The following GALR1 variants were observed in gnomAD, a reference collection of about 807,000 sequenced individuals.
The protein encoded by GALR1 is galanin receptor type 1.
Under a neutral mutation model 17.9 loss-of-function variants are expected in GALR1, and 11 were observed. The ratio of observed to expected loss-of-function variants is 0.62; its 90% CI spans 0.39 to 1.02. The LOEUF is 1.02. Among genes scored for constraint, GALR1 ranks in the 50% least tolerant of loss-of-function variants. The pLI is 0.01. For synonymous variants in GALR1, 206 were observed against 205.7 expected, an observed-to-expected ratio of 1.00 and a Z score of -0.01; for missense variants, 441 against 456.9, an observed-to-expected ratio of 0.97 and a Z score of 0.32.
rs898862869 is a variant in GALR1 at position 77,269,673 on chromosome 18, GA to G, written c.*772del. On this transcript the variant is annotated 3_prime_UTR_variant, in exon 3 of 3. Transcript: ENST00000299727. ...CAGTGGAAGATGCAAATAAGTTTTTGAGAATAAAACTGGATTTTGAAATTTT... is the reference window on the plus strand; with the variant it reads ...CAGTGGAAGATGCAAATAAGTTTTTGGAATAAAACTGGATTTTGAAATTTT... 1.3e-5 allele frequency: 2 copies of G among 152,200 alleles called. No homozygotes were observed. The highest frequency in any genetic ancestry group is 4.8e-5 in the African/African-American group (2 of 41,460). The allele number at this position is 152,200 out of a possible 1,614,324, so 9.4% of individuals were successfully genotyped here. A position where few individuals can be genotyped will look rare whatever the true frequency, so the allele number is the denominator to read the frequency against.
At chr18:77,258,812 A>ATG in intron 2 of GALR1, among the ~76,000 whole-genome samples, 1 of 79,934 alleles carries the variant, frequency 1.3e-5, no homozygotes, top group Non-Finnish European at 2.5e-5. Context: ...GGTGGTGGTC[A>ATG]TAGTGGTGGT....
chr18:77,267,725 A>G (rs950187936), intron 2 of GALR1, among the ~76,000 whole-genome samples: 1 of 152,248 alleles, frequency 6.6e-6, no homozygotes, highest in Non-Finnish European at 1.5e-5. Context: ...TTTTCAATTA[A>G]TCACAAACTA....
At chr18:77,258,832 GAT>G (rs1568141526) in intron 2 of GALR1, among the ~76,000 whole-genome samples, 4 of 77,672 alleles carry the variant, frequency 5.1e-5, no homozygotes, top group African/African-American at 2.1e-4. Flanking sequence ...TGGTGCTGGT[GAT>G]GGTGGTGATG....
intron 2 of GALR1, among the ~76,000 whole-genome samples, chr18:77,257,553 T>G (rs555989290): frequency 8.5e-5 from 13 of 152,362 alleles, no homozygotes; most frequent in African/African-American, 2.9e-4. Context: ...GATGTGCTGT[T>G]ATGGTAGAGA....
rs146713751 is a variant in GALR1, at chr18:77,257,782, T to C, written c.732+1559T>C. On this transcript the variant is annotated intron_variant, in intron 2 of 2. Coordinates refer to ENST00000299727, the MANE Select transcript of GALR1 (RefSeq NM_001480.4). ...AACATTGTAATGGAAGAGATCAATG[T>C]GTGAGTCCCAGAGGCCTGTTCAAGG... 5.4e-3 allele frequency among the ~76,000 whole-genome samples: 824 copies of C among 152,302 alleles called. 9 individuals are homozygous for C. Among genetic ancestry groups the C allele is most frequent in the African/African-American group, 0.018 (759 of 41,572 alleles).
intron 1 of GALR1, 139 bp downstream of exon 1, chr18:77,251,353 T>A (rs1345544884): frequency 3.0e-6 from 4 of 1,323,582 alleles, no homozygotes; most frequent in Non-Finnish European, 4.0e-6. Context: ...GCGGCGCTGG[T>A]ACGGATCTGT....
At chr18:77,251,295 C>T (rs1912411197) in intron 1 of GALR1, 81 bp downstream of exon 1, 2 of 1,513,864 alleles carry the variant, frequency 1.3e-6, no homozygotes, top group Non-Finnish European at 1.8e-6. Context: ...TGTCCCGCGG[C>T]CCTGCCGGAG....
intron 2 of GALR1, among the ~76,000 whole-genome samples, chr18:77,261,663 T>C (rs1186276186): frequency 1.3e-5 from 2 of 152,224 alleles, no homozygotes; most frequent in Non-Finnish European, 2.9e-5. Context: ...AGGAAGGAAG[T>C]GGCTTTTCCA....
intron 2 of GALR1, among the ~76,000 whole-genome samples, chr18:77,261,988 T>C (rs1298232072): frequency 6.6e-6 from 1 of 152,116 alleles, no homozygotes; most frequent in Non-Finnish European, 1.5e-5. Context: ...TGCACCCGGC[T>C]AAGTTATTTG....
intron 2 of GALR1, among the ~76,000 whole-genome samples, chr18:77,264,452 T>C (rs990311497): frequency 1.3e-5 from 2 of 152,154 alleles, no homozygotes; most frequent in Admixed American, 6.5e-5. Flanking sequence ...CACTTATCCA[T>C]TTTAGAGTAT....
intron 2 of GALR1, among the ~76,000 whole-genome samples, chr18:77,257,724 G>C (rs1599357255): frequency 6.6e-6 from 1 of 152,226 alleles, no homozygotes; most frequent in East Asian, 1.9e-4. Context: ...CGATCCAGGG[G>C]ATTCTAAGAG....
intron 2 of GALR1, among the ~76,000 whole-genome samples, chr18:77,258,196 T>C (rs1281892697): frequency 6.6e-6 from 1 of 152,202 alleles, no homozygotes; most frequent in Non-Finnish European, 1.5e-5. Flanking sequence ...TACACAAATA[T>C]TTAGATTTAT....
intron 2 of GALR1, among the ~76,000 whole-genome samples, chr18:77,262,464 G>A (rs1272970238): frequency 2.0e-5 from 3 of 152,162 alleles, no homozygotes; most frequent in Non-Finnish European, 4.4e-5. Context: ...CGTTGCAAGG[G>A]AAGAATGAAG....
Position 77,268,973 on chromosome 18 carries a change from C to G in GALR1, c.*71C>G, listed in dbSNP as rs5379. On this transcript the variant is annotated 3_prime_UTR_variant, in exon 3 of 3. Coordinates refer to ENST00000299727, the MANE Select transcript of GALR1 (RefSeq NM_001480.4). ...CAGACACAGAAACAAACAGAATGAGCTAGTAAGCGATGCTGCAACTTGTTA... is the reference window on the plus strand; with the variant it reads ...CAGACACAGAAACAAACAGAATGAGGTAGTAAGCGATGCTGCAACTTGTTA... 83 of 1,143,114 alleles carry G rather than the reference C, an allele frequency of 7.3e-5. No individual in the cohort carries two copies. The African/African-American group carries it at 1.0e-3, about 14-fold the overall frequency. The allele number at this position is 1,143,114 out of a possible 1,614,324, so 70.8% of individuals were successfully genotyped here.
Position 77,251,055 on chromosome 18 carries a change from C to T in GALR1, c.507C>T (p.Pro169=). ...IWALSIAMAS[P]VAYHQGLFHP... Reference sequence around the variant, plus strand: ...CGCTGTCCATTGCCATGGCCTCGCCCGTGGCCTACCACCAGGGCCTCTTCC... The same window carrying T: ...CGCTGTCCATTGCCATGGCCTCGCCTGTGGCCTACCACCAGGGCCTCTTCC... The change falls in exon 1 of 3, where the codon CCC becomes CCT. Residue 169 remains proline, a synonymous_variant. Coordinates refer to ENST00000299727, the MANE Select transcript of GALR1 (RefSeq NM_001480.4). 1.2e-6 allele frequency: 2 copies of T among 1,607,962 alleles called. No individual in the cohort carries two copies. The highest frequency in any genetic ancestry group is 2.2e-5 in the East Asian group (1 of 44,876).
rs1235467707 is a variant in GALR1 at position 77,256,173 on chromosome 18, C to T, written c.682C>T (p.His228Tyr). The stretch of plus-strand genomic sequence containing the variant: ...TGTCTTTCAGGTCCTTAATCACTTG[C>T]ATAAAAAGTTGAAGAACATGTCAAA... Reference protein sequence around the residue: ...FCYAKVLNHLHKKLKNMSKKS... With the variant: ...FCYAKVLNHLYKKLKNMSKKS... The change falls in exon 2 of 3, where the codon CAT (histidine) becomes TAT (tyrosine). Residue 228 changes from histidine (H) to tyrosine (Y), a missense_variant. His to Tyr is a moderately conservative substitution (Grantham distance 83). Transcript: ENST00000299727. 6.2e-7 allele frequency: 1 copy of T among 1,602,842 alleles called. No homozygotes were observed. Among genetic ancestry groups the T allele is most frequent in the Admixed American group, 1.7e-5 (1 of 59,950 alleles).
intron 2 of GALR1, among the ~76,000 whole-genome samples, chr18:77,263,710 C>A (rs1397245862): frequency 1.3e-5 from 2 of 152,180 alleles, no homozygotes; most frequent in African/African-American, 4.8e-5. Flanking sequence ...TTCCAGTCTC[C>A]CTCTTTGATA....
rs1313018913 is a variant in GALR1, at chr18:77,275,743, G to A, written c.*6841G>A. On this transcript the variant is annotated 3_prime_UTR_variant, in exon 3 of 3. Coordinates refer to ENST00000299727, the MANE Select transcript of GALR1 (RefSeq NM_001480.4). ...TGTGTCAGGATCACCTAGCTTTGAC[G>A]ATGAGAGTGTTTTTTAAAACGGAAA... is the stretch of plus-strand genomic sequence containing the variant. 6.6e-6 allele frequency: 1 copy of A among 152,206 alleles called. No homozygotes were observed. The highest frequency in any genetic ancestry group is 2.4e-5 in the African/African-American group (1 of 41,452). The allele number at this position is 152,206 out of a possible 1,614,324, so 9.4% of individuals were successfully genotyped here.
In GALR1 at chr18:77,268,926, T is replaced by C. The variant is rs201172922; in HGVS notation, c.*24T>C. The C allele has an allele frequency of 6.4e-7, 1 of 1,560,048 alleles. No homozygotes were observed. Among genetic ancestry groups the C allele is most frequent in the Non-Finnish European group, 8.8e-7 (1 of 1,136,902 alleles). On this transcript the variant is annotated 3_prime_UTR_variant, in exon 3 of 3. Coordinates refer to ENST00000299727, the MANE Select transcript of GALR1 (RefSeq NM_001480.4). ...GATAAAAGATAGAGTATCCTTATGG[T>C]TGAGTTTCCATATAAGTGGACCAGA...
Sources: allele counts gnomAD v4.1 joint callset (sites outside exome capture counted in the v4.1 genomes callset), GRCh38; gene constraint gnomAD v4.1.1; transcripts MANE v1.5; gene names NCBI Gene and HGNC (gene_info 2026-07-23, HGNC 2026-07-21).